The following AVL9 variants were observed in gnomAD, a reference collection of about 807,000 sequenced individuals.
AVL9 encodes the protein AVL9 cell migration associated.
AVL9 carries 49 observed loss-of-function variants against 79.2 expected under a neutral mutation model. The observed-to-expected ratio is 0.62, with a 90% CI of 0.49 to 0.79. The LOEUF is 0.79. AVL9 is among the 30% of genes least tolerant of loss of function. The probability of loss-of-function intolerance (pLI) is 0.00; values close to 1 mark genes in which losing one functional copy is unlikely to be tolerated. For missense variants in AVL9, 682 were observed against 776.8 expected, an observed-to-expected ratio of 0.88 and a Z score of 1.45; for synonymous variants, 299 against 280.6, an observed-to-expected ratio of 1.07 and a Z score of -0.65.
chr7:32,567,868 C>T (rs1253552545), intron 10 of AVL9, among the ~76,000 whole-genome samples: 1 of 151,914 alleles, frequency 6.6e-6, no homozygotes, highest in African/African-American at 2.4e-5. Flanking sequence ...CAGGCACTCG[C>T]CACCACAGGT....
At chr7:32,525,060 G>C (rs143437599) in intron 1 of AVL9, among the ~76,000 whole-genome samples, 45 of 152,320 alleles carry the variant, frequency 3.0e-4, no homozygotes, top group African/African-American at 9.4e-4. Flanking sequence ...CACAGTGCCT[G>C]ATGGTTCTCA....
intron 1 of AVL9, among the ~76,000 whole-genome samples, chr7:32,512,700 G>A (rs1787734335): frequency 1.3e-5 from 2 of 152,190 alleles, no homozygotes; most frequent in South Asian, 4.1e-4. Context: ...TCTGCCCATT[G>A]AAACTGTGCC....
chr7:32,521,416 A>C (rs1458979362), intron 1 of AVL9, among the ~76,000 whole-genome samples: 1 of 152,196 alleles, frequency 6.6e-6, no homozygotes, highest in East Asian at 1.9e-4. Flanking sequence ...TGGGAACTGG[A>C]GTAAAGGTGA....
At chr7:32,515,375 G>A (rs866776922) in intron 1 of AVL9, among the ~76,000 whole-genome samples, 52 of 152,210 alleles carry the variant, frequency 3.4e-4, no homozygotes, top group African/African-American at 1.3e-3. Context: ...GAAACCAACA[G>A]GACAATTGGC....
Position 32,548,144 on chromosome 7 carries a change from C to CTCTTTTTTTTTTTTTTTTTTTT in AVL9, c.301-702_301-701insCTTTTTTTTTTTTTTTTTTTTT, listed in dbSNP as rs1227025763. Among the ~76,000 whole-genome samples, 95 of 57,536 alleles carry CTCTTTTTTTTTTTTTTTTTTTT rather than the reference C, an allele frequency of 1.7e-3. 2 individuals carry two copies. The highest frequency in any genetic ancestry group is 0.011 in the Middle Eastern group (1 of 88). The allele number at this position is 57,536 out of a possible 152,430, so 37.7% of individuals were successfully genotyped here. ...AACAAGCTGTCTGTTTTTGTCATCT[C>CTCTTTTTTTTTTTTTTTTTTTT]TTTTTTCTTTTTTTTTTTTTTGAGA... On this transcript the variant is annotated intron_variant, in intron 3 of 15. Coordinates refer to ENST00000318709, the MANE Select transcript of AVL9 (RefSeq NM_015060.3).
At chr7:32,578,643 A>C (rs1309200500) in intron 13 of AVL9, among the ~76,000 whole-genome samples, 1 of 152,102 alleles carries the variant, frequency 6.6e-6, no homozygotes, top group African/African-American at 2.4e-5. Flanking sequence ...CCCTGTCTCT[A>C]CTAAAAATAC....
chr7:32,495,916 C>A (rs974264282), intron 1 of AVL9, 114 bp downstream of exon 1: 10 of 630,482 alleles, frequency 1.6e-5, no homozygotes, highest in Non-Finnish European at 2.1e-5. Flanking sequence ...CCCACAGCGC[C>A]TGCGACCCTT....
Position 32,581,115 on chromosome 7 carries a change from A to G in AVL9, c.1831+225A>G, listed in dbSNP as rs1791484786. Reference sequence around the variant, plus strand: ...AGTGACAAAATTTTCTGATGAAGTCACTGTTTTGCTACCAAGATTCAAGCT... The same window carrying G: ...AGTGACAAAATTTTCTGATGAAGTCGCTGTTTTGCTACCAAGATTCAAGCT... On this transcript the variant is annotated intron_variant, in intron 15 of 15. Coordinates refer to ENST00000318709, the MANE Select transcript of AVL9 (RefSeq NM_015060.3). 1.4e-4 allele frequency: 71 copies of G among 498,770 alleles called. 1 individual carries two copies. In the South Asian group the frequency reaches 1.7e-3, roughly 12 times the overall value. The allele number at this position is 498,770 out of a possible 1,614,324, so 30.9% of individuals were successfully genotyped here.
At chr7:32,580,180 G>A (rs756664380) in intron 13 of AVL9, 39 bp from the exon 14 acceptor site, 20 of 1,528,734 alleles carry the variant, frequency 1.3e-5, no homozygotes, top group South Asian at 4.6e-5. Context: ...AGCCTTTTTG[G>A]TAAAATACTG....
chr7:32,505,035 C>T lies in AVL9; in HGVS notation c.93+9233C>T, dbSNP rs1402783057. ...ATTACAAGAGTATGCCACCATGCCCCGCTAATTTTTGTATTTTTAGTAGGA... is the reference window on the plus strand; with the variant it reads ...ATTACAAGAGTATGCCACCATGCCCTGCTAATTTTTGTATTTTTAGTAGGA... On this transcript the variant is annotated intron_variant, in intron 1 of 15. Coordinates refer to ENST00000318709, the MANE Select transcript of AVL9 (RefSeq NM_015060.3). Among the ~76,000 whole-genome samples, 10 of 151,464 alleles carry T rather than the reference C, an allele frequency of 6.6e-5. No homozygotes were observed. The South Asian group carries it at 1.0e-3, about 16-fold the overall frequency.
At chr7:32,540,080 C>G (rs933982398) in intron 1 of AVL9, among the ~76,000 whole-genome samples, 2 of 152,162 alleles carry the variant, frequency 1.3e-5, no homozygotes, top group African/African-American at 4.8e-5. Flanking sequence ...CATTATTTCG[C>G]CTACCACATA....
chr7:32,569,976 C>A (rs897211744), intron 10 of AVL9, 44 bp from the exon 11 acceptor site: 1 of 1,591,288 alleles, frequency 6.3e-7, no homozygotes, highest in African/African-American at 1.3e-5. Context: ...AGAAAGGTAA[C>A]CTTTTACTTT....
chr7:32,556,519 AAATG>A (rs1554343042), intron 8 of AVL9, among the ~76,000 whole-genome samples: 1 of 149,458 alleles, frequency 6.7e-6, no homozygotes, highest in South Asian at 2.1e-4. Flanking sequence ...ATCTCAAAGT[AAATG>A]AATGAATGAA....
rs369735160 is a variant in AVL9, at chr7:32,559,383, G to T, written c.1134G>T (p.Thr378=). ...TTACTGTACAACCTCAAGCTAATAC[G>T]GGACAGGTAGTCCTGATACCAGGGC... is the stretch of plus-strand genomic sequence containing the variant. ...LPITVQPQAN[T]GQVVLIPGLI... is the part of the protein sequence containing the mutation. Residue 378 remains threonine (T), a synonymous_variant, in exon 10 of 16, where the codon ACG becomes ACT. Transcript: ENST00000318709. 9.6e-5 allele frequency: 155 copies of T among 1,613,490 alleles called. No individual in the cohort carries two copies. Among genetic ancestry groups the T allele is most frequent in the Non-Finnish European group, 1.2e-4 (143 of 1,179,884 alleles).
chr7:32,554,503 G>T, intron 7 of AVL9, 55 bp from the exon 8 acceptor site: 1 of 1,115,646 alleles, frequency 9.0e-7, no homozygotes, highest in Non-Finnish European at 1.3e-6. Flanking sequence ...GGGAAAAGAT[G>T]AATTATAGGC....
intron 1 of AVL9, among the ~76,000 whole-genome samples, chr7:32,522,959 C>T (rs1477350346): frequency 6.6e-6 from 1 of 151,896 alleles, no homozygotes; most frequent in African/African-American, 2.4e-5. Context: ...GTAATAAGTG[C>T]CTTTTGCCTC....
chr7:32,533,790 A>C (rs755003312), intron 1 of AVL9: 18 of 152,180 alleles, frequency 1.2e-4, no homozygotes, highest in African/African-American at 4.8e-5. Flanking sequence ...TTCCTTCTGT[A>C]AGCCGTTGAT....
At position 32,559,386 on chromosome 7, in the gene AVL9, A is replaced by T. The variant is rs528969457; in HGVS notation, c.1137A>T (p.Gly379=). Reference sequence around the variant, plus strand: ...CTGTACAACCTCAAGCTAATACGGGACAGGTAGTCCTGATACCAGGGCTCA... The same window carrying T: ...CTGTACAACCTCAAGCTAATACGGGTCAGGTAGTCCTGATACCAGGGCTCA... ...PITVQPQANT[G]QVVLIPGLIS... The change falls in exon 10 of 16, where the codon GGA becomes GGT. Residue 379 remains glycine, a synonymous_variant. Coordinates refer to ENST00000318709, the MANE Select transcript of AVL9 (RefSeq NM_015060.3). 6.2e-7 allele frequency: 1 copy of T among 1,613,684 alleles called. No individual in the cohort carries two copies. The highest frequency in any genetic ancestry group is 1.3e-5 in the African/African-American group (1 of 75,050).
In AVL9 at chr7:32,506,933, ATC is replaced by A. The variant is rs570319706; in HGVS notation, c.93+11132_93+11133del. ...TTATAAGAAAAAAACAAAGATCAAT[ATC>A]CCTCATGAACATTGATGCAAAAATC... On this transcript the variant is annotated intron_variant, in intron 1 of 15. Transcript: ENST00000318709. Among the ~76,000 whole-genome samples the A allele has an allele frequency of 2.8e-3, 433 of 152,304 alleles. 2 individuals are homozygous for A. The highest frequency in any genetic ancestry group is 4.6e-3 in the Non-Finnish European group (316 of 68,026).
Sources: allele counts gnomAD v4.1 joint callset (sites outside exome capture counted in the v4.1 genomes callset), GRCh38; gene constraint gnomAD v4.1.1; transcripts MANE v1.5; gene names NCBI Gene and HGNC (gene_info 2026-07-23, HGNC 2026-07-21).